ANK2: variants seen among roughly 807,000 people sequenced by gnomAD.
ANK2 encodes the protein ankyrin 2.
A neutral mutation model predicts 360.5 loss-of-function variants in ANK2; 83 were observed. The observed-to-expected ratio is 0.23, with a 90% confidence interval of 0.19 to 0.28. The LOEUF (loss-of-function observed/expected upper bound fraction) is 0.28. ANK2 is among the 10% of genes least tolerant of loss of function. The pLI is 1.00. For synonymous variants in ANK2, 1,740 were observed against 1,759.5 expected (o/e 0.99, Z 0.28); for missense variants, 4,201 against 4,795.7 (o/e 0.88, Z 3.66).
At chr4:112,868,222 T>C (rs1340376646) in intron 1 of ANK2, among the ~76,000 whole-genome samples, 2 of 152,244 alleles carry the variant, frequency 1.3e-5, no homozygotes, top group African/African-American at 2.4e-5. Context: ...ATGTTTGTCT[T>C]AGTCTGTATT....
intron 1 of ANK2, among the ~76,000 whole-genome samples, chr4:113,104,793 G>T (rs1323941691): frequency 2.0e-5 from 3 of 152,026 alleles, no homozygotes; most frequent in Non-Finnish European, 4.4e-5. Flanking sequence ...GAGAATGCAG[G>T]ATCATAAAAA....
At chr4:113,084,100 C>T (rs533813626) in intron 1 of ANK2, among the ~76,000 whole-genome samples, 1 of 152,238 alleles carries the variant, frequency 6.6e-6, no homozygotes, top group South Asian at 2.1e-4. Context: ...TCTGAGGTCT[C>T]GTTAGCAGTT....
At chr4:112,881,496 T>C (rs542552975) in intron 1 of ANK2, among the ~76,000 whole-genome samples, 1 of 152,340 alleles carries the variant, frequency 6.6e-6, no homozygotes, top group Non-Finnish European at 1.5e-5. Context: ...CTGCTAGATA[T>C]TCAAAGTCCT....
intron 2 of ANK2, among the ~76,000 whole-genome samples, chr4:112,915,692 C>A (rs2089509141): frequency 6.6e-6 from 1 of 151,034 alleles, no homozygotes; most frequent in African/African-American, 2.5e-5. Context: ...GAGGATGAGG[C>A]TGCAGTAAGT....
At chr4:112,779,476 G>C in the ANK2 span, among the ~76,000 whole-genome samples, 16 of 151,914 alleles carry the variant, frequency 1.1e-4, no homozygotes, top group African/African-American at 3.4e-4. Flanking sequence ...CCAAGATTGC[G>C]CCACTGCACT....
intron 1 of ANK2, among the ~76,000 whole-genome samples, chr4:112,870,446 G>A (rs1235432129): frequency 6.6e-6 from 1 of 152,170 alleles, no homozygotes; most frequent in East Asian, 1.9e-4. Flanking sequence ...ATTACATTTA[G>A]GTCTTTGATT....
At chr4:113,143,084 C>T (rs1433672678) in intron 1 of ANK2, among the ~76,000 whole-genome samples, 1 of 151,534 alleles carries the variant, frequency 6.6e-6, no homozygotes, top group East Asian at 1.9e-4. Context: ...CTGTGGTTGT[C>T]TTTTATTCAT....
At chr4:113,156,866 AAT>A (rs1458913794) in intron 1 of ANK2, among the ~76,000 whole-genome samples, 1 of 146,618 alleles carries the variant, frequency 6.8e-6, no homozygotes, top group Non-Finnish European at 1.5e-5. Context: ...CATATATAAA[AAT>A]ATATGTGTGT....
chr4:113,000,715 A>C (rs2050304748), intron 2 of ANK2, among the ~76,000 whole-genome samples: 1 of 152,212 alleles, frequency 6.6e-6, no homozygotes, highest in Admixed American at 6.5e-5. Context: ...GTTTTTGGTG[A>C]AAGAGTAGAG....
At chr4:113,089,027 C>T (rs768268876) in intron 1 of ANK2, among the ~76,000 whole-genome samples, 5 of 152,166 alleles carry the variant, frequency 3.3e-5, no homozygotes, top group Admixed American at 1.3e-4. Flanking sequence ...CCAGTGGGCC[C>T]AACTGGCTTT....
At chr4:113,324,960 C>T (rs116497107) in intron 26 of ANK2, among the ~76,000 whole-genome samples, 2,571 of 152,314 alleles carry the variant, frequency 0.017, 66 homozygotes, top group African/African-American at 0.059. Context: ...CTCCTGCCTC[C>T]TCTGAAGCAT....
At chr4:113,319,443 A>G (rs2084775347) in intron 26 of ANK2, among the ~76,000 whole-genome samples, 1 of 151,430 alleles carries the variant, frequency 6.6e-6, no homozygotes, top group South Asian at 2.1e-4. Context: ...CCCTATTTAT[A>G]TGCTATATAT....
chr4:113,355,000 C>G lies in ANK2; in HGVS notation c.6382C>G (p.Pro2128Ala). 3 of 1,613,880 alleles carry G rather than the reference C, an allele frequency of 1.9e-6. No individual in the cohort carries two copies. Among genetic ancestry groups the G allele is most frequent in the Non-Finnish European group, 2.5e-6 (3 of 1,179,944 alleles). ...EQGDMDLQIS[P>A]DRKTSTDFSE... ...GGGAGACATGGATCTACAGATCAGC[C>G]CAGATAGGAAAACCTCCACTGACTT... The change falls in exon 38 of 46, where the codon CCA (proline) becomes GCA (alanine). Residue 2128 changes from proline to alanine, a missense_variant. Coordinates refer to ENST00000357077, the MANE Select transcript of ANK2 (RefSeq NM_001148.6).
At chr4:112,746,724 G>T in the ANK2 span, among the ~76,000 whole-genome samples, 1 of 151,996 alleles carries the variant, frequency 6.6e-6, no homozygotes. Flanking sequence ...TTAATCTAAA[G>T]GAATGTCTTC....
At chr4:113,091,395 A>G (rs1398492358) in intron 1 of ANK2, among the ~76,000 whole-genome samples, 1 of 152,220 alleles carries the variant, frequency 6.6e-6, no homozygotes, top group Non-Finnish European at 1.5e-5. Flanking sequence ...TTGGATTGGC[A>G]CAGTCTTTAA....
intron 1 of ANK2, among the ~76,000 whole-genome samples, chr4:113,059,631 G>A (rs760423193): frequency 6.6e-6 from 1 of 151,982 alleles, no homozygotes; most frequent in Non-Finnish European, 1.5e-5. Flanking sequence ...TTCAGAAATT[G>A]GCAACACTTT....
intron 4 of ANK2, among the ~76,000 whole-genome samples, chr4:113,223,908 G>A (rs1370912056): frequency 6.6e-6 from 1 of 152,214 alleles, no homozygotes; most frequent in Non-Finnish European, 1.5e-5. Flanking sequence ...TAGGGCTAGA[G>A]GATTCCGTCC....
At chr4:113,250,316 G>C (rs1369018869) in intron 10 of ANK2, among the ~76,000 whole-genome samples, 1 of 152,182 alleles carries the variant, frequency 6.6e-6, no homozygotes, top group African/African-American at 2.4e-5. Context: ...TTACTCAACA[G>C]TGGCATTGGT....
chr4:113,106,816 G>A, intron 1 of ANK2: 2 of 503,524 alleles, frequency 4.0e-6, no homozygotes, highest in Non-Finnish European at 8.0e-6. Flanking sequence ...GGTTGACTCT[G>A]TACTCTTTTA....
Sources: gnomAD v4.1 joint callset for allele counts (sites outside exome capture counted in the v4.1 genomes callset) on GRCh38, gnomAD v4.1.1 for gene constraint, MANE v1.5 for transcripts, NCBI Gene and HGNC (gene_info 2026-07-23, HGNC 2026-07-21) for gene names.